The following NARS2 variants were observed in gnomAD, a reference collection of about 807,000 sequenced individuals.
NARS2 encodes asparaginyl-tRNA synthetase.
A neutral mutation model predicts 62.9 loss-of-function variants in NARS2; 60 were observed. The observed-to-expected ratio is 0.95, with a 90% CI of 0.77 to 1.18. The LOEUF (loss-of-function observed/expected upper bound fraction) is 1.18, where lower values mean the gene tolerates loss of function less well. Among genes scored for constraint, NARS2 ranks in the 50% most tolerant of loss-of-function variants. The pLI, the probability that NARS2 is intolerant of heterozygous loss-of-function variation, is 0.00. For missense variants in NARS2, 619 were observed against 576.4 expected (o/e 1.07, Z -0.76); for synonymous variants, 196 against 200.0 (o/e 0.98, Z 0.17).
intron 6 of NARS2, among the ~76,000 whole-genome samples, chr11:78,506,594 G>T (rs567350433): frequency 3.3e-5 from 5 of 152,264 alleles, no homozygotes; most frequent in Admixed American, 6.5e-5. Context: ...GAGTGCAGTG[G>T]TGCAATCTCA....
intron 6 of NARS2, among the ~76,000 whole-genome samples, chr11:78,521,171 T>C (rs1470339746): frequency 6.6e-6 from 1 of 151,690 alleles, no homozygotes; most frequent in Non-Finnish European, 1.5e-5. Context: ...TCTTTCTTTT[T>C]TTTTTTTTTA....
At chr11:78,457,813 CACACACACACACACAA>C (rs989041574) in intron 11 of NARS2, among the ~76,000 whole-genome samples, 7 of 151,768 alleles carry the variant, frequency 4.6e-5, no homozygotes, top group Non-Finnish European at 1.0e-4. Flanking sequence ...CACACACACA[CACACACACACACACAA>C]ACACACACAC....
intron 5 of NARS2, among the ~76,000 whole-genome samples, chr11:78,553,533 T>C (rs180766555): frequency 6.6e-6 from 1 of 152,198 alleles, no homozygotes; most frequent in East Asian, 1.9e-4. Context: ...AAGTGATCCA[T>C]CCAACTCGGC....
rs777527618 is a variant in NARS2, at chr11:78,574,365, C to A, written c.124G>T (p.Glu42Ter). 1 of 1,614,194 alleles carries A rather than the reference C, an allele frequency of 6.2e-7. No homozygotes were observed. The highest frequency in any genetic ancestry group is 8.5e-7 in the Non-Finnish European group (1 of 1,180,024). The change falls in exon 1 of 14, where the codon GAG becomes TAG. Residue 42 changes from glutamate (E) to a stop codon, truncating the protein, a stop_gained. Coordinates refer to ENST00000281038, the MANE Select transcript of NARS2 (RefSeq NM_024678.6). LOFTEE classifies it high-confidence loss of function. ...DALGAQNASG[E>*]RIKIQGWIRS... is the part of the protein sequence containing the mutation. ...TCACCAACCTGGATCTTAATGCGCT[C>A]CCCACTCGCGTTCTGAGCCCCGAGA...
At chr11:78,522,991 AAAG>A (rs1861182762) in intron 6 of NARS2, among the ~76,000 whole-genome samples, 2 of 152,228 alleles carry the variant, frequency 1.3e-5, no homozygotes, top group African/African-American at 4.8e-5. Flanking sequence ...AAGGATGTGA[AAAG>A]AAAATCCACC....
intron 4 of NARS2, among the ~76,000 whole-genome samples, chr11:78,562,948 G>C (rs1289413716): frequency 3.3e-5 from 5 of 151,854 alleles, no homozygotes; most frequent in Admixed American, 6.6e-5. Context: ...CAAAGTAACA[G>C]ATCAAAGAAA....
At chr11:78,565,368 C>A (rs1856708815) in intron 4 of NARS2, among the ~76,000 whole-genome samples, 2 of 152,158 alleles carry the variant, frequency 1.3e-5, no homozygotes, top group African/African-American at 4.8e-5. Context: ...AAAAAGCAAA[C>A]CTCATGAAAC....
intron 11 of NARS2, among the ~76,000 whole-genome samples, chr11:78,464,962 A>G (rs1428035983): frequency 6.6e-6 from 1 of 152,234 alleles, no homozygotes; most frequent in Non-Finnish European, 1.5e-5. Context: ...GTCCCGCGCC[A>G]TGCGCCTGCA....
chr11:78,572,902 TC>T (rs1856982214), intron 1 of NARS2, among the ~76,000 whole-genome samples: 1 of 152,188 alleles, frequency 6.6e-6, no homozygotes. Flanking sequence ...ATAGCACATC[TC>T]AATTTGGACC....
At chr11:78,465,767 C>T in intron 11 of NARS2, 109 bp downstream of exon 11, 3 of 1,254,076 alleles carry the variant, frequency 2.4e-6, no homozygotes, top group East Asian at 2.4e-5. Context: ...AAAACATTAT[C>T]ATTTTAAGAG....
chr11:78,530,087 T>A (rs1366536200), intron 5 of NARS2, among the ~76,000 whole-genome samples: 1 of 152,218 alleles, frequency 6.6e-6, no homozygotes, highest in Non-Finnish European at 1.5e-5. Context: ...GTTGAATCTT[T>A]TATTTTTATA....
At chr11:78,493,472 C>T (rs1439458762) in intron 6 of NARS2, among the ~76,000 whole-genome samples, 1 of 152,014 alleles carries the variant, frequency 6.6e-6, no homozygotes, top group Non-Finnish European at 1.5e-5. Context: ...GCCTGGGAAA[C>T]ATGGTGAAAA....
At chr11:78,478,010 C>T (rs1859176573) in intron 9 of NARS2, among the ~76,000 whole-genome samples, 1 of 152,212 alleles carries the variant, frequency 6.6e-6, no homozygotes, top group Admixed American at 6.5e-5. Flanking sequence ...ATCATTAACT[C>T]TCACGCAGAT....
chr11:78,481,948 G>C (rs1158288087), intron 7 of NARS2, among the ~76,000 whole-genome samples: 1 of 152,044 alleles, frequency 6.6e-6, no homozygotes, highest in Non-Finnish European at 1.5e-5. Flanking sequence ...ACCACCAGCG[G>C]AGTACCAAAT....
At chr11:78,498,465 C>T (rs1391044778) in intron 6 of NARS2, among the ~76,000 whole-genome samples, 1 of 152,094 alleles carries the variant, frequency 6.6e-6, no homozygotes, top group Non-Finnish European at 1.5e-5. Context: ...TATGATTTCC[C>T]TTGGCCAATG....
intron 5 of NARS2, among the ~76,000 whole-genome samples, chr11:78,535,998 G>A (rs1227535953): frequency 2.6e-5 from 4 of 151,846 alleles, no homozygotes; most frequent in Non-Finnish European, 4.4e-5. Flanking sequence ...TATTCACAGA[G>A]CAGCCACAGT....
intron 5 of NARS2, among the ~76,000 whole-genome samples, chr11:78,536,040 T>TG (rs1490647927): frequency 6.6e-6 from 1 of 152,200 alleles, no homozygotes; most frequent in Non-Finnish European, 1.5e-5. Flanking sequence ...AGATAAAATA[T>TG]AGTCATGTAC....
At chr11:78,531,778 C>G (rs1396255140) in intron 5 of NARS2, among the ~76,000 whole-genome samples, 1 of 152,076 alleles carries the variant, frequency 6.6e-6, no homozygotes, top group African/African-American at 2.4e-5. Context: ...TGAAAGAAGA[C>G]AGACTTAAAA....
At chr11:78,521,065 A>AAAAAAAAAAAAGT (rs1861100582) in intron 6 of NARS2, among the ~76,000 whole-genome samples, 1 of 146,544 alleles carries the variant, frequency 6.8e-6, no homozygotes, top group Non-Finnish European at 1.5e-5. Flanking sequence ...TCTCCAAAAA[A>AAAAAAAAAAAAGT]AAAAAAAAAA....
Sources: allele counts gnomAD v4.1 joint callset (sites outside exome capture counted in the v4.1 genomes callset), GRCh38; gene constraint gnomAD v4.1.1; transcripts MANE v1.5; gene names NCBI Gene and HGNC (gene_info 2026-07-23, HGNC 2026-07-21).